Variants in COL11A2 observed in about 807,000 individuals in gnomAD.
The protein encoded by COL11A2 is collagen type XI alpha 2 chain.
A neutral mutation model predicts 273.4 loss-of-function variants in COL11A2; 116 were observed. The ratio of observed to expected loss-of-function variants is 0.42; its 90% confidence interval spans 0.36 to 0.49. The LOEUF (loss-of-function observed/expected upper bound fraction) is 0.49, where lower values mean the gene tolerates loss of function less well. COL11A2 is among the 20% of genes least tolerant of loss of function. The pLI is 0.00. For synonymous variants in COL11A2, 782 were observed against 864.2 expected, an observed-to-expected ratio of 0.90 and a Z score of 1.67; for missense variants, 1,866 against 2,309.0, an observed-to-expected ratio of 0.81 and a Z score of 3.93.
intron 30 of COL11A2, 97 bp from the exon 31 acceptor site, chr6:33,174,677 C>A (rs1490943761): frequency 1.8e-6 from 2 of 1,122,374 alleles, no homozygotes; most frequent in Non-Finnish European, 1.3e-6. Flanking sequence ...CCAGCCCCCA[C>A]CCAGCAACAC....
chr6:33,184,232 G>A lies in COL11A2; in HGVS notation c.1032C>T (p.Tyr344=), dbSNP rs773587668. 8 of 1,367,488 alleles carry A rather than the reference G, an allele frequency of 5.9e-6. No individual in the cohort carries two copies. Among genetic ancestry groups the A allele is most frequent in the South Asian group, 2.3e-5 (2 of 88,056 alleles). The allele number at this position is 1,367,488 out of a possible 1,614,324, so 84.7% of individuals were successfully genotyped here. A position where few individuals can be genotyped will look rare whatever the true frequency, so the allele number is the denominator to read the frequency against. Residue 344 remains tyrosine (Y), a synonymous_variant, in exon 8 of 66, where the codon TAC becomes TAT. Transcript: ENST00000341947. ...EGGTDPPEGP[Y]DYTYGYGDDY... is the part of the protein sequence containing the mutation. ...CATCCCCATAGCCATAGGTGTAATCGTAGGGCCCTTCAGGGGGGTCTGTGC... is the reference window on the plus strand; with the variant it reads ...CATCCCCATAGCCATAGGTGTAATCATAGGGCCCTTCAGGGGGGTCTGTGC...
In COL11A2 at chr6:33,186,761, C is replaced by G; in HGVS notation, c.664G>C (p.Glu222Gln). 1 of 1,614,140 alleles carries G rather than the reference C, an allele frequency of 6.2e-7. No individual in the cohort carries two copies. The highest frequency in any genetic ancestry group is 2.2e-5 in the East Asian group (1 of 44,874). Residue 222 changes from glutamate (E) to glutamine (Q), a missense_variant, in exon 5 of 66, where the codon GAA becomes CAA. Transcript: ENST00000341947. ...CCCTCGCATTCCAGCTCCTTCTGTT[C>G]ACATGATTCATAGGCTGCCTGGACC... ...PGVQAAYESC[E>Q]QKELECEGGQ... is the part of the protein sequence containing the mutation.
In COL11A2 at chr6:33,179,893, C is replaced by G. The variant is rs1047577388; in HGVS notation, c.1360-88G>C. ...GAGGCTTTCTCCAGCGTTTCTGCCC[C>G]TTGCCCCAGGTTCTGCCCATCCAGC... On this transcript the variant is annotated intron_variant, in intron 12 of 65. Coordinates refer to ENST00000341947, the MANE Select transcript of COL11A2 (RefSeq NM_080680.3). This position sits in a 1 kb window ranked among gnomAD's most constrained non-coding sequence, Gnocchi z 6.4. The G allele has an allele frequency of 3.9e-6, 5 of 1,282,934 alleles. No homozygotes were observed. Among genetic ancestry groups the G allele is most frequent in the Non-Finnish European group, 5.6e-6 (5 of 893,954 alleles). The allele number at this position is 1,282,934 out of a possible 1,614,324, so 79.5% of individuals were successfully genotyped here.
At chr6:33,180,628 C>T in intron 11 of COL11A2, 40 bp downstream of exon 11, 3 of 1,554,994 alleles carry the variant, frequency 1.9e-6, no homozygotes, top group Non-Finnish European at 2.6e-6. Context: ...ACCACTAGCT[C>T]CCCCGAAGCT....
Position 33,179,437 on chromosome 6 carries a change from T to C in COL11A2, c.1497A>G (p.Gly499=). The change falls in exon 14 of 66, where the codon GGA becomes GGG. Residue 499 remains glycine, a synonymous_variant. Coordinates refer to ENST00000341947, the MANE Select transcript of COL11A2 (RefSeq NM_080680.3). This position sits in a 1 kb window ranked among gnomAD's most constrained non-coding sequence, Gnocchi z 6.4. ...PGPMGYTGRP[G]PLGQPGSPGL... The stretch of plus-strand genomic sequence containing the variant: ...GAGCACCCTGCTCACTCACCAAGGG[T>C]CCAGGGCGCCCTGTGTATCCCATGG... The C allele has an allele frequency of 6.4e-7, 1 of 1,569,438 alleles. No homozygotes were observed. Among genetic ancestry groups the C allele is most frequent in the Non-Finnish European group, 8.6e-7 (1 of 1,157,424 alleles).
chr6:33,189,376 G>A lies in COL11A2; in HGVS notation c.176C>T (p.Ala59Val), dbSNP rs1240969348. ...CTGGGCAGGTCGTGCCACTCGGTAG[G>A]CCACATCAGCTGGACAGATGCCTTT... is the stretch of plus-strand genomic sequence containing the variant. ...RAKGICPADV[A>V]YRVARPAQLS... Residue 59 changes from alanine to valine, a missense_variant, in exon 2 of 66, where the codon GCC becomes GTC. By Grantham distance (64) the Ala-to-Val change is moderately conservative. Coordinates refer to ENST00000341947, the MANE Select transcript of COL11A2 (RefSeq NM_080680.3). This position sits in a 1 kb window ranked among gnomAD's most constrained non-coding sequence, Gnocchi z 5.6. The A allele has an allele frequency of 6.2e-7, 1 of 1,613,262 alleles. No homozygotes were observed. The highest frequency in any genetic ancestry group is 8.5e-7 in the Non-Finnish European group (1 of 1,180,014).
In COL11A2 at chr6:33,169,001, A is replaced by G; in HGVS notation, c.3806T>C (p.Val1269Ala). The G allele has an allele frequency of 6.2e-7, 1 of 1,608,178 alleles. No individual in the cohort carries two copies. Among genetic ancestry groups the G allele is most frequent in the Non-Finnish European group, 8.5e-7 (1 of 1,177,540 alleles). ...GGGGCCAGGGTCACCAGGAAAACCA[A>G]CAGGACCCTGATCCAGATGGAGAAT... The part of the protein sequence containing the change: ...DDGPKGNPGP[V>A]GFPGDPGPPG... Residue 1269 changes from valine to alanine, a missense_variant, in exon 52 of 66, where the codon GTT becomes GCT. Val to Ala is a moderately conservative substitution (Grantham distance 64). Transcript: ENST00000341947. This position sits in a 1 kb window ranked among gnomAD's most constrained non-coding sequence, Gnocchi z 5.5.
In COL11A2 at chr6:33,165,706, C is replaced by T. The variant is rs1769024019; in HGVS notation, c.4593G>A (p.Gly1531=). 6.2e-7 allele frequency: 1 copy of T among 1,611,006 alleles called. No individual in the cohort carries two copies. The highest frequency in any genetic ancestry group is 1.3e-5 in the African/African-American group (1 of 74,888). The stretch of plus-strand genomic sequence containing the variant: ...GCCCCCCAGGACTGCCGGGGGCTCC[C>T]CCGGTCGGTATGGCCTCATCTTCCT... ...LMQEDEAIPT[G]GAPGSPGGLE... is the part of the protein sequence containing the mutation. Residue 1531 remains glycine, a synonymous_variant, in exon 63 of 66, where the codon GGG becomes GGA. Coordinates refer to ENST00000341947, the MANE Select transcript of COL11A2 (RefSeq NM_080680.3). The surrounding 1 kb of genome is among the most constrained non-coding windows in gnomAD (Gnocchi z 7.7).
chr6:33,173,508 T>A lies in COL11A2; in HGVS notation c.2676A>T (p.Gly892=), dbSNP rs1405058032. The A allele has an allele frequency of 1.1e-5, 17 of 1,603,458 alleles. No individual in the cohort carries two copies. The Admixed American group carries it at 2.5e-4, about 24-fold the overall frequency. ...GAGCTCGGGGTCAACTTACCGGGGG[T>A]CCTTTCGGTCCAGGAAACCCGTTGG... is the stretch of plus-strand genomic sequence containing the variant. ...QGPNGFPGPK[G]PPGPPGKDGL... is the part of the protein sequence containing the mutation. The change falls in exon 36 of 66, where the codon GGA becomes GGT. Residue 892 remains glycine (G), a synonymous_variant. Transcript: ENST00000341947. This position sits in a 1 kb window ranked among gnomAD's most constrained non-coding sequence, Gnocchi z 6.3.
chr6:33,164,569 G>C lies in COL11A2; in HGVS notation c.4864-96C>G. 9.5e-7 allele frequency: 1 copy of C among 1,050,248 alleles called. No homozygotes were observed. The highest frequency in any genetic ancestry group is 1.4e-6 in the Non-Finnish European group (1 of 735,980). The allele number at this position is 1,050,248 out of a possible 1,614,324, so 65.1% of individuals were successfully genotyped here. On this transcript the variant is annotated intron_variant, in intron 64 of 65. Transcript: ENST00000341947. This position sits in a 1 kb window ranked among gnomAD's most constrained non-coding sequence, Gnocchi z 4.7. ...GCCTCAGGAGCATCTACGGCACCAG[G>C]ACAGCTGAGCCAGAGTCATGAGCAG...
Position 33,165,681 on chromosome 6 carries a change from G to C in COL11A2, c.4618C>G (p.Leu1540Val). The C allele has an allele frequency of 1.2e-6, 2 of 1,611,504 alleles. No homozygotes were observed. The highest frequency in any genetic ancestry group is 1.7e-6 in the Non-Finnish European group (2 of 1,179,976). ...TCGAGTGAGCCAAAGATCTCCTCCA[G>C]CCCCCCAGGACTGCCGGGGGCTCCC... is the stretch of plus-strand genomic sequence containing the variant. The part of the protein sequence containing the change: ...TGGAPGSPGG[L>V]EEIFGSLDSL... Residue 1540 changes from leucine (L) to valine (V), a missense_variant, in exon 63 of 66, where the codon CTG becomes GTG. Physicochemically the swap from Leu to Val is conservative, Grantham distance 32 (BLOSUM62 1). Transcript: ENST00000341947. The surrounding 1 kb of genome is among the most constrained non-coding windows in gnomAD (Gnocchi z 7.7).
At position 33,164,455 on chromosome 6, in the gene COL11A2, C is replaced by A; in HGVS notation, c.4882G>T (p.Glu1628Ter). Residue 1628 changes from glutamate to a stop codon, truncating the protein, a stop_gained, in exon 65 of 66, where the codon GAG becomes TAG. Coordinates refer to ENST00000341947, the MANE Select transcript of COL11A2 (RefSeq NM_080680.3). LOFTEE classifies it high-confidence loss of function. The surrounding 1 kb of genome is among the most constrained non-coding windows in gnomAD (Gnocchi z 4.7). ...TGGACCACACCCACTGGGGAGCCCT[C>A]TGAGTCCACGTAAGAGAACTGGAAG... The part of the protein sequence containing the change: ...DVTQFSYVDS[E>*]GSPVGVVQLT... 1 of 1,564,802 alleles carries A rather than the reference C, an allele frequency of 6.4e-7. No individual in the cohort carries two copies. The highest frequency in any genetic ancestry group is 1.2e-5 in the South Asian group (1 of 85,670).
rs1354089083 is a variant in COL11A2 at position 33,169,110 on chromosome 6, A to G, written c.3799-102T>C. On this transcript the variant is annotated intron_variant, in intron 51 of 65. Coordinates refer to ENST00000341947, the MANE Select transcript of COL11A2 (RefSeq NM_080680.3). The surrounding 1 kb of genome is among the most constrained non-coding windows in gnomAD (Gnocchi z 5.5). ...CACTGCCTCTCTAGAGGCAGTGCCC[A>G]CCAGTACCCCCCAGGAAGAGGTCTC... 8 of 1,161,170 alleles carry G rather than the reference A, an allele frequency of 6.9e-6. No homozygotes were observed. Among genetic ancestry groups the G allele is most frequent in the African/African-American group, 4.7e-5 (3 of 64,278 alleles). 71.9% of individuals were successfully genotyped at this position (1,161,170 alleles called of 1,614,324 possible). A position where few individuals can be genotyped will look rare whatever the true frequency, so the allele number is the denominator to read the frequency against.
rs917987986 is a variant in COL11A2, at chr6:33,190,821, G to A, written c.82+1338C>T. Among the ~76,000 whole-genome samples the A allele has an allele frequency of 1.3e-5, 2 of 151,916 alleles. No individual in the cohort carries two copies. The highest frequency in any genetic ancestry group is 4.8e-5 in the African/African-American group (2 of 41,330). On this transcript the variant is annotated intron_variant, in intron 1 of 65. Transcript: ENST00000341947. The surrounding 1 kb of genome is among the most constrained non-coding windows in gnomAD (Gnocchi z 4.5). Reference sequence around the variant, plus strand: ...AGAGACCCCAGGCCAAGGAGACCTCGGAGGTCCCCACCCTCCACCAAATCC... The same window carrying A: ...AGAGACCCCAGGCCAAGGAGACCTCAGAGGTCCCCACCCTCCACCAAATCC...
rs1771325710 is a variant in COL11A2, at chr6:33,178,992, T to G, written c.1612-19A>C. 4 of 1,613,658 alleles carry G rather than the reference T, an allele frequency of 2.5e-6. No homozygotes were observed. In the East Asian group the frequency reaches 8.9e-5, roughly 36 times the overall value. ...CCCGGCCCTGGGAGAACAAGGGAAG[T>G]GTCAGAACAAGCAGGGCCGCAGTCC... On this transcript the variant is annotated intron_variant, in intron 16 of 65. Coordinates refer to ENST00000341947, the MANE Select transcript of COL11A2 (RefSeq NM_080680.3). This position sits in a 1 kb window ranked among gnomAD's most constrained non-coding sequence, Gnocchi z 4.6.
In COL11A2 at chr6:33,189,623, T is replaced by C. The variant is rs1437205273; in HGVS notation, c.83-154A>G. The stretch of plus-strand genomic sequence containing the variant: ...CACTTGCTTCTGAACAGTACCTGAA[T>C]GGATGGGAAATGCAAAGGTACCTGG... On this transcript the variant is annotated intron_variant, in intron 1 of 65. Transcript: ENST00000341947. This position sits in a 1 kb window ranked among gnomAD's most constrained non-coding sequence, Gnocchi z 5.6. Among the ~76,000 whole-genome samples, 2 of 152,158 alleles carry C rather than the reference T, an allele frequency of 1.3e-5. No individual in the cohort carries two copies. The highest frequency in any genetic ancestry group is 2.9e-5 in the Non-Finnish European group (2 of 68,024).
Position 33,173,648 on chromosome 6 carries a change from C to T in COL11A2, c.2628+53G>A, listed in dbSNP as rs1770469400. ...TCCTGGGGTGAGGAGGGAGCTGGCT[C>T]ACCCAGGCTCCCTGGGGACCTCAGG... On this transcript the variant is annotated intron_variant, in intron 35 of 65. Transcript: ENST00000341947. This position sits in a 1 kb window ranked among gnomAD's most constrained non-coding sequence, Gnocchi z 6.3. The T allele has an allele frequency of 6.5e-7, 1 of 1,527,932 alleles. No homozygotes were observed. The highest frequency in any genetic ancestry group is 9.0e-7 in the Non-Finnish European group (1 of 1,114,500). The allele number at this position is 1,527,932 out of a possible 1,614,324, so 94.6% of individuals were successfully genotyped here.
chr6:33,185,132 A>G, intron 6 of COL11A2, 78 bp from the exon 7 acceptor site: 1 of 1,064,682 alleles, frequency 9.4e-7, no homozygotes, highest in Non-Finnish European at 1.4e-6. Flanking sequence ...GAGGCAAAGC[A>G]GCACCTGTCC....
chr6:33,167,627 G>A lies in COL11A2; in HGVS notation c.4015-94C>T. 6.7e-7 allele frequency: 1 copy of A among 1,503,094 alleles called. No individual in the cohort carries two copies. The highest frequency in any genetic ancestry group is 9.2e-7 in the Non-Finnish European group (1 of 1,092,212). The allele number at this position is 1,503,094 out of a possible 1,614,324, so 93.1% of individuals were successfully genotyped here. Reference sequence around the variant, plus strand: ...CAAGGTGGGAGGCAGGAGGCAGGGAGGAAGGGCCAAACTCTAGGAGCCCCT... The same window carrying A: ...CAAGGTGGGAGGCAGGAGGCAGGGAAGAAGGGCCAAACTCTAGGAGCCCCT... On this transcript the variant is annotated intron_variant, in intron 55 of 65. Coordinates refer to ENST00000341947, the MANE Select transcript of COL11A2 (RefSeq NM_080680.3). This position sits in a 1 kb window ranked among gnomAD's most constrained non-coding sequence, Gnocchi z 6.1.
Sources: allele counts gnomAD v4.1 joint callset (sites outside exome capture counted in the v4.1 genomes callset), GRCh38; gene constraint gnomAD v4.1.1; non-coding constraint Gnocchi (gnomAD v3.1); transcripts MANE v1.5; gene names NCBI Gene and HGNC (gene_info 2026-07-23, HGNC 2026-07-21).